The following ST8SIA2 variants were observed in gnomAD, a reference collection of about 807,000 sequenced individuals.
The protein encoded by ST8SIA2 is ST8 alpha-N-acetyl-neuraminide alpha-2,8-sialyltransferase 2, also known as alpha-2,8-sialyltransferase 8B.
Under a neutral mutation model 37.6 loss-of-function variants are expected in ST8SIA2, and 22 were observed. The ratio of observed to expected loss-of-function variants is 0.58; its 90% CI spans 0.42 to 0.83. ST8SIA2 has a LOEUF of 0.83. Among genes scored for constraint, ST8SIA2 ranks in the 40% least tolerant of loss-of-function variants. The pLI, the probability that ST8SIA2 is intolerant of heterozygous loss-of-function variation, is 0.00. For missense variants in ST8SIA2, 382 were observed against 484.7 expected (o/e 0.79, Z 1.99); for synonymous variants, 205 against 201.2 (o/e 1.02, Z -0.16).
intron 1 of ST8SIA2, among the ~76,000 whole-genome samples, chr15:92,403,667 C>A (rs2049487118): frequency 6.6e-6 from 1 of 152,050 alleles, no homozygotes; most frequent in Non-Finnish European, 1.5e-5. Flanking sequence ...ATAATGAAGG[C>A]GGGAGGCATA....
rs911484295 is a variant in ST8SIA2 at position 92,449,152 on chromosome 15, C to T, written c.842+4223C>T. ...CTTAGTACCCAACAGTTTTTCAACCCTTTCCCCATTCCCTTCTTCTCCAGT... is the reference window on the plus strand; with the variant it reads ...CTTAGTACCCAACAGTTTTTCAACCTTTTCCCCATTCCCTTCTTCTCCAGT... On this transcript the variant is annotated intron_variant, in intron 5 of 5. Coordinates refer to ENST00000268164, the MANE Select transcript of ST8SIA2 (RefSeq NM_006011.4). Among the ~76,000 whole-genome samples, 42 of 152,190 alleles carry T rather than the reference C, an allele frequency of 2.8e-4. 1 individual carries two copies. The highest frequency in any genetic ancestry group is 1.0e-3 in the African/African-American group (42 of 41,444).
At chr15:92,396,625 C>T (rs2049433427) in intron 1 of ST8SIA2, among the ~76,000 whole-genome samples, 1 of 152,038 alleles carries the variant, frequency 6.6e-6, no homozygotes, top group Non-Finnish European at 1.5e-5. Flanking sequence ...TCCCGAGTAG[C>T]TGGGATTACA....
chr15:92,415,055 C>T (rs2049577234), intron 1 of ST8SIA2, among the ~76,000 whole-genome samples: 1 of 152,140 alleles, frequency 6.6e-6, no homozygotes. Context: ...TGGCTGATGC[C>T]TGAAGACACC....
At chr15:92,456,500 A>G (rs2049920722) in intron 5 of ST8SIA2, among the ~76,000 whole-genome samples, 1 of 152,230 alleles carries the variant, frequency 6.6e-6, no homozygotes, top group Non-Finnish European at 1.5e-5. Context: ...GGGAAGGAAA[A>G]GAAAAGTAAA....
chr15:92,461,614 A>G (rs2049958424), intron 5 of ST8SIA2, among the ~76,000 whole-genome samples: 1 of 152,192 alleles, frequency 6.6e-6, no homozygotes, highest in African/African-American at 2.4e-5. Context: ...AGGAGGCACA[A>G]GGAAATAGCG....
chr15:92,419,877 GTTTC>G (rs950054819), intron 1 of ST8SIA2, among the ~76,000 whole-genome samples: 13 of 152,138 alleles, frequency 8.5e-5, no homozygotes, highest in Non-Finnish European at 1.2e-4. Context: ...TGCTTTGTTT[GTTTC>G]TTTGAGATAG....
intron 5 of ST8SIA2, among the ~76,000 whole-genome samples, chr15:92,450,719 C>T (rs1167324811): frequency 6.6e-6 from 1 of 152,210 alleles, no homozygotes; most frequent in Non-Finnish European, 1.5e-5. Context: ...CTAATCACCT[C>T]CCACCAGGTC....
chr15:92,395,041 C>CTG (rs2049420256), intron 1 of ST8SIA2, among the ~76,000 whole-genome samples: 1 of 152,136 alleles, frequency 6.6e-6, no homozygotes, highest in Non-Finnish European at 1.5e-5. Context: ...GACGCACCGG[C>CTG]TGTGTGTCCC....
Position 92,393,976 on chromosome 15 carries a change from C to A in ST8SIA2, c.-89C>A. 3.5e-6 allele frequency: 3 copies of A among 861,336 alleles called. No homozygotes were observed. The highest frequency in any genetic ancestry group is 4.8e-6 in the Non-Finnish European group (3 of 627,442). 53.4% of individuals were successfully genotyped at this position (861,336 alleles called of 1,614,324 possible). On this transcript the variant is annotated 5_prime_UTR_variant, in exon 1 of 6. Transcript: ENST00000268164. ...AGGGTGTCTGCCCAGCTGCGCGCGG[C>A]GCGCGGAGGCTCCGGCGTCCGCCGC...
chr15:92,398,535 TC>T (rs1364392614), intron 1 of ST8SIA2, among the ~76,000 whole-genome samples: 1 of 152,254 alleles, frequency 6.6e-6, no homozygotes, highest in Non-Finnish European at 1.5e-5. Flanking sequence ...GTTAACACAT[TC>T]CAGCCTCATG....
rs1291610918 is a variant in ST8SIA2 at position 92,429,984 on chromosome 15, C to T, written c.99-65C>T. 4 of 1,564,664 alleles carry T rather than the reference C, an allele frequency of 2.6e-6. No individual in the cohort carries two copies. In the East Asian group the frequency reaches 9.0e-5, roughly 35 times the overall value. ...CCAGGTGGGCTATGGGATCTCCTGG[C>T]AATTGAAGAGGGCTTTGCAAAGATG... On this transcript the variant is annotated intron_variant, in intron 1 of 5. Transcript: ENST00000268164.
At chr15:92,397,571 C>T (rs1372298108) in intron 1 of ST8SIA2, among the ~76,000 whole-genome samples, 1 of 152,192 alleles carries the variant, frequency 6.6e-6, no homozygotes, top group Admixed American at 6.5e-5. Context: ...TTGGGTGGGG[C>T]TTTGGTAAAA....
In ST8SIA2 at chr15:92,437,750, C is replaced by T. The variant is rs181040091; in HGVS notation, c.291-603C>T. Reference sequence around the variant, plus strand: ...AAACCTTCCGTGGAAGAAAATGGGCCGGTAAGGAGTGAGAGGCGCCTGTCA... The same window carrying T: ...AAACCTTCCGTGGAAGAAAATGGGCTGGTAAGGAGTGAGAGGCGCCTGTCA... On this transcript the variant is annotated intron_variant, in intron 3 of 5. Coordinates refer to ENST00000268164, the MANE Select transcript of ST8SIA2 (RefSeq NM_006011.4). Among the ~76,000 whole-genome samples the T allele has an allele frequency of 4.6e-5, 7 of 152,162 alleles. No homozygotes were observed. In the South Asian group the frequency reaches 8.3e-4, roughly 18 times the overall value.
chr15:92,457,179 C>G (rs2049925477), intron 5 of ST8SIA2, among the ~76,000 whole-genome samples: 1 of 152,224 alleles, frequency 6.6e-6, no homozygotes, highest in African/African-American at 2.4e-5. Flanking sequence ...CAAAGCATCA[C>G]TGAGTCTCCC....
intron 3 of ST8SIA2, 127 bp downstream of exon 3, chr15:92,434,502 T>G: frequency 7.1e-7 from 1 of 1,399,536 alleles, no homozygotes; most frequent in South Asian, 1.2e-5. Context: ...TGAGGCAGGT[T>G]TCATCTGTAA....
chr15:92,454,969 A>G (rs1250372722), intron 5 of ST8SIA2, among the ~76,000 whole-genome samples: 1 of 152,000 alleles, frequency 6.6e-6, no homozygotes, highest in Non-Finnish European at 1.5e-5. Context: ...ATTGGTGCTT[A>G]ATTAGGCACC....
intron 5 of ST8SIA2, among the ~76,000 whole-genome samples, chr15:92,447,551 C>T (rs1387143814): frequency 6.6e-6 from 1 of 152,190 alleles, no homozygotes; most frequent in Non-Finnish European, 1.5e-5. Flanking sequence ...CATCAGGATG[C>T]TCTTCACTGG....
intron 1 of ST8SIA2, among the ~76,000 whole-genome samples, chr15:92,428,783 C>G (rs1054243687): frequency 9.2e-5 from 14 of 152,194 alleles, no homozygotes; most frequent in African/African-American, 3.4e-4. Flanking sequence ...AAATCTGGAA[C>G]CTTAAGGGAG....
chr15:92,420,527 C>T (rs969599794), intron 1 of ST8SIA2, among the ~76,000 whole-genome samples: 6 of 152,040 alleles, frequency 3.9e-5, no homozygotes, highest in African/African-American at 1.5e-4. Context: ...AAGGAGAGAG[C>T]CAAGGGTGAG....
Sources: gnomAD v4.1 joint callset for allele counts (sites outside exome capture counted in the v4.1 genomes callset) on GRCh38, gnomAD v4.1.1 for gene constraint, MANE v1.5 for transcripts, NCBI Gene and HGNC (gene_info 2026-07-23, HGNC 2026-07-21) for gene names.